Variants in STAT4 observed in about 807,000 individuals in gnomAD.
STAT4 encodes the protein signal transducer and activator of transcription 4.
In STAT4, 42 loss-of-function variants were observed where a neutral mutation model predicts 110.5. The ratio of observed to expected loss-of-function variants is 0.38; its 90% CI spans 0.30 to 0.49. STAT4 has a LOEUF of 0.49. Ranked by LOEUF, STAT4 falls within the 20% of genes least tolerant of loss-of-function variation. STAT4 has a pLI of 0.95. For missense variants in STAT4, 632 were observed against 887.9 expected (o/e 0.71, Z 3.66); for synonymous variants, 284 against 302.2 (o/e 0.94, Z 0.63).
chr2:191,139,094 G>A (rs1002055194), intron 3 of STAT4, among the ~76,000 whole-genome samples: 5 of 151,244 alleles, frequency 3.3e-5, no homozygotes, highest in African/African-American at 4.9e-5. Flanking sequence ...GGCATAAAAC[G>A]AACTTAAAAT....
At chr2:191,093,006 C>T (rs1697845675) in intron 3 of STAT4, among the ~76,000 whole-genome samples, 1 of 152,204 alleles carries the variant, frequency 6.6e-6, no homozygotes, top group Admixed American at 6.5e-5. Flanking sequence ...GAGCATCTGC[C>T]ATTGCTGAGG....
chr2:191,102,862 C>A (rs368246381), intron 3 of STAT4, among the ~76,000 whole-genome samples: 1 of 152,020 alleles, frequency 6.6e-6, no homozygotes. Context: ...TGTGTGTTGG[C>A]GCTTCTGTGT....
In STAT4 at chr2:191,033,748, T is replaced by A. The variant is rs1188354850; in HGVS notation, c.1716-122A>T. 1 of 1,382,378 alleles carries A rather than the reference T, an allele frequency of 7.2e-7. No homozygotes were observed. Among genetic ancestry groups the A allele is most frequent in the African/African-American group, 1.5e-5 (1 of 68,432 alleles). The allele number at this position is 1,382,378 out of a possible 1,614,324, so 85.6% of individuals were successfully genotyped here. A position where few individuals can be genotyped will look rare whatever the true frequency, so the allele number is the denominator to read the frequency against. On this transcript the variant is annotated intron_variant, in intron 19 of 23. Transcript: ENST00000392320. The surrounding 1 kb of genome is among the most constrained non-coding windows in gnomAD (Gnocchi z 6.9). ...GTCATTCTTACCTGAAATACTCATA[T>A]ATAGATTAATATACATAGTGCCACT...
intron 6 of STAT4, chr2:191,068,460 G>C (rs1044424070): frequency 1.3e-5 from 2 of 152,090 alleles, no homozygotes; most frequent in East Asian, 3.8e-4. Flanking sequence ...TGGAAGTCAA[G>C]GCATCTTAAG....
At position 191,037,330 on chromosome 2, in the gene STAT4, C is replaced by A. The variant is rs1364142118; in HGVS notation, c.1435-1031G>T. ...ATTTGCTCTACATAATTAAAAAAAA[C>A]AAAAACAGAGAAATGATCTCGCTCT... On this transcript the variant is annotated intron_variant, in intron 16 of 23. Transcript: ENST00000392320. This position sits in a 1 kb window ranked among gnomAD's most constrained non-coding sequence, Gnocchi z 4.8. Among the ~76,000 whole-genome samples, 2 of 151,446 alleles carry A rather than the reference C, an allele frequency of 1.3e-5. No individual in the cohort carries two copies.
In STAT4 at chr2:191,113,935, C is replaced by T. The variant is rs753111738; in HGVS notation, c.273+32678G>A. Among the ~76,000 whole-genome samples, 1 of 152,194 alleles carries T rather than the reference C, an allele frequency of 6.6e-6. No homozygotes were observed. Among genetic ancestry groups the T allele is most frequent in the Non-Finnish European group, 1.5e-5 (1 of 68,024 alleles). On this transcript the variant is annotated intron_variant, in intron 3 of 23. Coordinates refer to ENST00000392320, the MANE Select transcript of STAT4 (RefSeq NM_003151.4). The surrounding 1 kb of genome is among the most constrained non-coding windows in gnomAD (Gnocchi z 4.8). ...CTCCCTTCTGCTCAACCACCACAGA[C>T]AGGAGGTTCCCCTAGAGTTTATGGC...
intron 15 of STAT4, among the ~76,000 whole-genome samples, chr2:191,040,785 AAT>A (rs1175644249): frequency 6.6e-6 from 1 of 152,106 alleles, no homozygotes; most frequent in Non-Finnish European, 1.5e-5. Context: ...GCTGGTCTCA[AAT>A]TCCAGGGCTC....
Position 191,029,856 on chromosome 2 carries a change from G to C in STAT4, c.2231C>G (p.Pro744Arg), listed in dbSNP as rs773968889. 6.3e-7 allele frequency: 1 copy of C among 1,595,164 alleles called. No individual in the cohort carries two copies. The highest frequency in any genetic ancestry group is 8.5e-7 in the Non-Finnish European group (1 of 1,173,446). The change falls in exon 24 of 24, where the codon CCT becomes CGT. Residue 744 changes from proline (P) to arginine (R), a missense_variant. Pro to Arg is a moderately radical substitution (Grantham distance 103). Coordinates refer to ENST00000392320, the MANE Select transcript of STAT4 (RefSeq NM_003151.4). This position sits in a 1 kb window ranked among gnomAD's most constrained non-coding sequence, Gnocchi z 4.5. ...PTTIETAMKS[P>R]YSAE ...TTTATCCTGTCATTCAGCAGAATAAGGAGACTTCATCTAAAATTAAAAATG... is the reference window on the plus strand; with the variant it reads ...TTTATCCTGTCATTCAGCAGAATAACGAGACTTCATCTAAAATTAAAAATG...
intron 3 of STAT4, among the ~76,000 whole-genome samples, chr2:191,124,349 G>T (rs1390167221): frequency 4.6e-5 from 7 of 151,856 alleles, no homozygotes; most frequent in African/African-American, 1.7e-4. Context: ...CAGCTACTCG[G>T]GAGGCTGAGG....
chr2:191,029,819 G>A lies in STAT4; in HGVS notation c.*21C>T. Reference sequence around the variant, plus strand: ...AACTTTTTCATTTGCTTCCTTTCTTGGTGCGTCAGAGTTTATCCTGTCATT... The same window carrying A: ...AACTTTTTCATTTGCTTCCTTTCTTAGTGCGTCAGAGTTTATCCTGTCATT... On this transcript the variant is annotated 3_prime_UTR_variant, in exon 24 of 24. Transcript: ENST00000392320. This position sits in a 1 kb window ranked among gnomAD's most constrained non-coding sequence, Gnocchi z 4.5. The A allele has an allele frequency of 1.3e-6, 2 of 1,595,592 alleles. No individual in the cohort carries two copies. Among genetic ancestry groups the A allele is most frequent in the Middle Eastern group, 1.7e-4 (1 of 6,032 alleles).
rs1401170487 is a variant in STAT4 at position 191,146,301 on chromosome 2, T to C, written c.273+312A>G. ...AGAGACAAAGGCAAGGGAGGGCTGC[T>C]GGAGAGCCGTGAAACTGTGGTCTGG... is the stretch of plus-strand genomic sequence containing the variant. On this transcript the variant is annotated intron_variant, in intron 3 of 23. Coordinates refer to ENST00000392320, the MANE Select transcript of STAT4 (RefSeq NM_003151.4). The surrounding 1 kb of genome is among the most constrained non-coding windows in gnomAD (Gnocchi z 4.5). Among the ~76,000 whole-genome samples, 1 of 152,180 alleles carries C rather than the reference T, an allele frequency of 6.6e-6. No homozygotes were observed. Among genetic ancestry groups the C allele is most frequent in the Non-Finnish European group, 1.5e-5 (1 of 68,018 alleles).
rs577932568 is a variant in STAT4 at position 191,135,447 on chromosome 2, G to A, written c.273+11166C>T. On this transcript the variant is annotated intron_variant, in intron 3 of 23. Transcript: ENST00000392320. This position sits in a 1 kb window ranked among gnomAD's most constrained non-coding sequence, Gnocchi z 4.8. ...TCCAGGACTGGATGACTTTACTGTC[G>A]AATTCTTTGTTGTTGTTGTTGTTAT... Among the ~76,000 whole-genome samples, 22 of 152,006 alleles carry A rather than the reference G, an allele frequency of 1.4e-4. No individual in the cohort carries two copies. Among genetic ancestry groups the A allele is most frequent in the African/African-American group, 5.3e-4 (22 of 41,354 alleles).
intron 3 of STAT4, among the ~76,000 whole-genome samples, chr2:191,125,652 C>G (rs1464117386): frequency 6.6e-6 from 1 of 151,814 alleles, no homozygotes; most frequent in African/African-American, 2.4e-5. Flanking sequence ...CTACCATGCC[C>G]AACTAATTTT....
At chr2:191,087,864 G>A (rs1032482772) in intron 3 of STAT4, among the ~76,000 whole-genome samples, 2 of 151,846 alleles carry the variant, frequency 1.3e-5, no homozygotes, top group East Asian at 3.9e-4. Flanking sequence ...AAAACTCTGA[G>A]TATACTAGGA....
At position 191,123,803 on chromosome 2, in the gene STAT4, G is replaced by C. The variant is rs548577088; in HGVS notation, c.273+22810C>G. Among the ~76,000 whole-genome samples the C allele has an allele frequency of 3.3e-5, 5 of 152,316 alleles. No individual in the cohort carries two copies. The East Asian group carries it at 9.6e-4, about 29-fold the overall frequency. ...AGCAGGGGCTCGCTGCGACTGACCA[G>C]CATCGTGAGAGTATTGTACTGCGTT... On this transcript the variant is annotated intron_variant, in intron 3 of 23. Coordinates refer to ENST00000392320, the MANE Select transcript of STAT4 (RefSeq NM_003151.4).
chr2:191,131,974 T>C, intron 3 of STAT4: 2 of 1,261,632 alleles, frequency 1.6e-6, no homozygotes, highest in Non-Finnish European at 1.0e-6. Context: ...CAACTATTCC[T>C]GAAGAGAAGA....
In STAT4 at chr2:191,090,381, TC is replaced by T. The variant is rs1174046950; in HGVS notation, c.274-14057del. 2.6e-5 allele frequency among the ~76,000 whole-genome samples: 4 copies of T among 152,086 alleles called. No individual in the cohort carries two copies. The highest frequency in any genetic ancestry group is 5.9e-5 in the Non-Finnish European group (4 of 68,014). On this transcript the variant is annotated intron_variant, in intron 3 of 23. Transcript: ENST00000392320. The surrounding 1 kb of genome is among the most constrained non-coding windows in gnomAD (Gnocchi z 4.2). ...TCAAAGTTAGCTTTAAATTCTCTCA[TC>T]GTCGCAAAGGTTTTCTTGATAAAAG...
rs1438758512 is a variant in STAT4, at chr2:191,053,503, T to C, written c.1251+987A>G. Among the ~76,000 whole-genome samples, 1 of 152,220 alleles carries C rather than the reference T, an allele frequency of 6.6e-6. No homozygotes were observed. The highest frequency in any genetic ancestry group is 1.5e-5 in the Non-Finnish European group (1 of 68,032). ...GCTCAATAGATGTTCTCCAAGGTCA[T>C]GTCCAGTTCATGATTTGACTACTCT... On this transcript the variant is annotated intron_variant, in intron 14 of 23. Transcript: ENST00000392320. The surrounding 1 kb of genome is among the most constrained non-coding windows in gnomAD (Gnocchi z 4.5).
Position 191,104,952 on chromosome 2 carries a change from G to A in STAT4, c.274-28627C>T, listed in dbSNP as rs575446245. Among the ~76,000 whole-genome samples, 63 of 152,164 alleles carry A rather than the reference G, an allele frequency of 4.1e-4. No homozygotes were observed. Among genetic ancestry groups the A allele is most frequent in the African/African-American group, 1.5e-3 (61 of 41,528 alleles). The stretch of plus-strand genomic sequence containing the variant: ...TAGGGGCAGCTGTTTAAAAAGGAAA[G>A]GTATAATCAGAGTTGGCATTATTTT... On this transcript the variant is annotated intron_variant, in intron 3 of 23. Coordinates refer to ENST00000392320, the MANE Select transcript of STAT4 (RefSeq NM_003151.4). This position sits in a 1 kb window ranked among gnomAD's most constrained non-coding sequence, Gnocchi z 4.3.
Sources: allele counts gnomAD v4.1 joint callset (sites outside exome capture counted in the v4.1 genomes callset), GRCh38; gene constraint gnomAD v4.1.1; non-coding constraint Gnocchi (gnomAD v3.1); transcripts MANE v1.5; gene names NCBI Gene and HGNC (gene_info 2026-07-23, HGNC 2026-07-21).